Variants in TBC1D4 observed in about 807,000 individuals in gnomAD.
TBC1D4 encodes TBC1 domain family member 4.
In TBC1D4, 121 loss-of-function variants were observed where a neutral mutation model predicts 142.5. The ratio of observed to expected loss-of-function variants is 0.85; its 90% CI spans 0.73 to 0.99. The LOEUF is 0.99. Among genes scored for constraint, TBC1D4 ranks in the 50% least tolerant of loss-of-function variants. The pLI is 0.00. For missense variants in TBC1D4, 1,475 were observed against 1,606.6 expected, an observed-to-expected ratio of 0.92 and a Z score of 1.40; for synonymous variants, 630 against 628.2, an observed-to-expected ratio of 1.00 and a Z score of -0.04.
At chr13:75,363,706 T>C (rs1882722528) in intron 1 of TBC1D4, among the ~76,000 whole-genome samples, 1 of 152,232 alleles carries the variant, frequency 6.6e-6, no homozygotes, top group Non-Finnish European at 1.5e-5. Flanking sequence ...CCTGGGGCTG[T>C]GTCACAGGTG....
At chr13:75,412,035 G>A (rs960057987) in intron 1 of TBC1D4, among the ~76,000 whole-genome samples, 2 of 152,156 alleles carry the variant, frequency 1.3e-5, no homozygotes, top group Non-Finnish European at 1.5e-5. Context: ...AAGTTGGGGG[G>A]TAGGCCTAGG....
chr13:75,436,202 T>C (rs1886792979), intron 1 of TBC1D4, among the ~76,000 whole-genome samples: 1 of 152,174 alleles, frequency 6.6e-6, no homozygotes, highest in Non-Finnish European at 1.5e-5. Flanking sequence ...CCTTCCCTTC[T>C]GCCATGATTA....
intron 8 of TBC1D4, among the ~76,000 whole-genome samples, chr13:75,333,970 A>G (rs1021982628): frequency 6.6e-6 from 1 of 152,170 alleles, no homozygotes; most frequent in Non-Finnish European, 1.5e-5. Flanking sequence ...CTGTTTCTTC[A>G]TATCAGGTGG....
At chr13:75,291,912 A>G (rs920453444) in intron 19 of TBC1D4, among the ~76,000 whole-genome samples, 190 bp downstream of exon 19, 2 of 152,238 alleles carry the variant, frequency 1.3e-5, no homozygotes, top group Non-Finnish European at 2.9e-5. Context: ...ACGTAGCACT[A>G]AACAGCATTT....
intron 2 of TBC1D4, among the ~76,000 whole-genome samples, chr13:75,360,506 A>G (rs1414295475): frequency 7.6e-6 from 1 of 130,794 alleles, no homozygotes; most frequent in East Asian, 2.3e-4. Flanking sequence ...GCTGCACTCC[A>G]GCCTGGATGA....
At chr13:75,303,932 G>A (rs1261878635) in intron 15 of TBC1D4, among the ~76,000 whole-genome samples, 1 of 152,062 alleles carries the variant, frequency 6.6e-6, no homozygotes, top group Non-Finnish European at 1.5e-5. Flanking sequence ...ATGAGCTTGA[G>A]TGTCACCTTT....
At chr13:75,372,331 C>T (rs577414236) in intron 1 of TBC1D4, among the ~76,000 whole-genome samples, 26 of 151,732 alleles carry the variant, frequency 1.7e-4, no homozygotes, top group African/African-American at 6.0e-4. Flanking sequence ...TGCAGTGGCA[C>T]GATCTCAGCT....
intron 1 of TBC1D4, among the ~76,000 whole-genome samples, chr13:75,381,431 TATCAA>T: frequency 6.6e-6 from 1 of 152,250 alleles, no homozygotes; most frequent in African/African-American, 2.4e-5. Flanking sequence ...TATTTGCCTA[TATCAA>T]GTAATAGGAT....
intron 1 of TBC1D4, among the ~76,000 whole-genome samples, chr13:75,460,982 T>C (rs1011557847): frequency 1.3e-5 from 2 of 152,190 alleles, no homozygotes; most frequent in Non-Finnish European, 2.9e-5. Context: ...GCCAAGTTTA[T>C]TCCTTCAATG....
intron 4 of TBC1D4, among the ~76,000 whole-genome samples, chr13:75,350,599 T>A (rs149344005): frequency 6.6e-5 from 10 of 152,290 alleles, no homozygotes; most frequent in Middle Eastern, 3.4e-3. Context: ...TTATTTCATT[T>A]GCCTTGTTAA....
intron 2 of TBC1D4, among the ~76,000 whole-genome samples, chr13:75,361,051 C>T (rs1161251382): frequency 2.0e-5 from 3 of 152,192 alleles, no homozygotes; most frequent in Admixed American, 6.5e-5. Context: ...AGACTCTCTA[C>T]AGAGTATTGT....
At chr13:75,370,764 G>A (rs191664584) in intron 1 of TBC1D4, among the ~76,000 whole-genome samples, 60 of 152,290 alleles carry the variant, frequency 3.9e-4, no homozygotes, top group Admixed American at 9.2e-4. Context: ...TTGATTATAT[G>A]AGTCTGGAGC....
chr13:75,428,912 T>C (rs1452546245), intron 1 of TBC1D4, among the ~76,000 whole-genome samples: 1 of 152,172 alleles, frequency 6.6e-6, no homozygotes, highest in African/African-American at 2.4e-5. Context: ...ACAGCCAACC[T>C]TCAGAGCAGT....
chr13:75,304,234 A>G (rs1876917995), intron 15 of TBC1D4, among the ~76,000 whole-genome samples: 1 of 152,254 alleles, frequency 6.6e-6, no homozygotes, highest in South Asian at 2.1e-4. Context: ...CACTGATAAC[A>G]TGAGTGGGCA....
chr13:75,323,660 C>A (rs1323614823), intron 11 of TBC1D4, among the ~76,000 whole-genome samples: 1 of 152,060 alleles, frequency 6.6e-6, no homozygotes. Context: ...TTCAAGAGGT[C>A]CTTCACAGAT....
Position 75,287,038 on chromosome 13 carries a change from G to GA in TBC1D4, c.3664-14dup, listed in dbSNP as rs35186786. 121,550 of 1,604,062 alleles carry GA rather than the reference G, an allele frequency of 0.076. 12,758 individuals are homozygous for GA. The highest frequency in any genetic ancestry group is 0.51 in the African/African-American group (38,299 of 74,512). On this transcript the variant is annotated splice_polypyrimidine_tract_variant and intron_variant, in intron 20 of 20. Transcript: ENST00000377636. ...TAGTATGAGCTACCTGTTTGGGGGG[G>GA]AAAAAATCCTCCAAATCAAATGATT...
At chr13:75,304,572 A>G (rs1228207248) in intron 15 of TBC1D4, among the ~76,000 whole-genome samples, 1 of 152,164 alleles carries the variant, frequency 6.6e-6, no homozygotes, top group Non-Finnish European at 1.5e-5. Context: ...GATAAAGTAC[A>G]ATGAACTGAT....
At chr13:75,479,389 A>G (rs1012623555) in intron 1 of TBC1D4, among the ~76,000 whole-genome samples, 3 of 152,226 alleles carry the variant, frequency 2.0e-5, no homozygotes, top group African/African-American at 7.2e-5. Context: ...CCACTGGACT[A>G]AAAGGGGGAA....
intron 3 of TBC1D4, 118 bp from the exon 4 acceptor site, chr13:75,356,369 G>A: frequency 1.3e-6 from 1 of 758,782 alleles, no homozygotes; most frequent in Non-Finnish European, 2.3e-6. Flanking sequence ...CTCCTTCACA[G>A]CAATGAAGGG....
Sources: allele counts gnomAD v4.1 joint callset (sites outside exome capture counted in the v4.1 genomes callset), GRCh38; gene constraint gnomAD v4.1.1; transcripts MANE v1.5; gene names NCBI Gene and HGNC (gene_info 2026-07-23, HGNC 2026-07-21).